Variants in GALNT12 observed in about 807,000 individuals in gnomAD.
GALNT12 encodes the protein polypeptide N-acetylgalactosaminyltransferase 12, also known as UDP-GalNAc:polypeptide N-acetylgalactosaminyltransferase 12.
Under a neutral mutation model 55.5 loss-of-function variants are expected in GALNT12, and 45 were observed. The ratio of observed to expected loss-of-function variants is 0.81; its 90% confidence interval spans 0.64 to 1.04. The LOEUF (loss-of-function observed/expected upper bound fraction) is 1.04. GALNT12 is among the 50% of genes least tolerant of loss of function. The probability of loss-of-function intolerance (pLI) is 0.00; values close to 1 mark genes in which losing one functional copy is unlikely to be tolerated. For missense variants in GALNT12, 709 were observed against 754.8 expected (o/e 0.94, Z 0.71); for synonymous variants, 304 against 312.2 (o/e 0.97, Z 0.28).
intron 2 of GALNT12, among the ~76,000 whole-genome samples, chr9:98,824,456 A>G (rs1835815829): frequency 6.6e-6 from 1 of 152,232 alleles, no homozygotes; most frequent in Middle Eastern, 3.4e-3. Context: ...CACACATCCC[A>G]TTGAGCAGAG....
chr9:98,850,036 C>T lies in GALNT12; in HGVS notation c.*944C>T, dbSNP rs1160358107. Reference sequence around the variant, plus strand: ...CAGACCAACCCTGAGATTTTGTCAACCTGATTAAGTCAATATGAATGATTA... The same window carrying T: ...CAGACCAACCCTGAGATTTTGTCAATCTGATTAAGTCAATATGAATGATTA... On this transcript the variant is annotated 3_prime_UTR_variant, in exon 10 of 10. Transcript: ENST00000375011. 3.6e-5 allele frequency: 7 copies of T among 194,198 alleles called. No individual in the cohort carries two copies. Among genetic ancestry groups the T allele is most frequent in the African/African-American group, 1.4e-4 (6 of 43,170 alleles). 12.0% of individuals were successfully genotyped at this position (194,198 alleles called of 1,614,324 possible).
chr9:98,841,975 G>A (rs1298827407), intron 7 of GALNT12, among the ~76,000 whole-genome samples: 3 of 152,050 alleles, frequency 2.0e-5, no homozygotes, highest in Non-Finnish European at 4.4e-5. Flanking sequence ...ACCATGCCCG[G>A]CCAAGGCATA....
At chr9:98,821,624 C>CAAAAAA (rs11467276) in intron 1 of GALNT12, among the ~76,000 whole-genome samples, 44 of 112,066 alleles carry the variant, frequency 3.9e-4, no homozygotes, top group African/African-American at 1.2e-3. Context: ...GACTCCATCT[C>CAAAAAA]AAAAAAAAAA....
At position 98,810,042 on chromosome 9, in the gene GALNT12, T is replaced by C. The variant is rs528118627; in HGVS notation, c.371+1973T>C. Among the ~76,000 whole-genome samples the C allele has an allele frequency of 2.6e-5, 4 of 152,308 alleles. No homozygotes were observed. In the South Asian group the frequency reaches 8.3e-4, roughly 32 times the overall value. ...GAGAGAAAGGTGAGCCTGAGCTGTG[T>C]GGGTCTCTGTTGGGCCAGGCTTTGA... is the stretch of plus-strand genomic sequence containing the variant. On this transcript the variant is annotated intron_variant, in intron 1 of 9. Transcript: ENST00000375011.
rs568551181 is a variant in GALNT12 at position 98,846,870 on chromosome 9, A to AAG, written c.1605+748_1605+749insGA. 3.9e-5 allele frequency among the ~76,000 whole-genome samples: 6 copies of AAG among 152,102 alleles called. No individual in the cohort carries two copies. In the South Asian group the frequency reaches 1.0e-3, roughly 26 times the overall value. ...AGACTCCGTCTCAAAAAAAAAAAAA[A>AAG]AAAAAGGTGCAATAATAGCAGACTT... On this transcript the variant is annotated intron_variant, in intron 9 of 9. Coordinates refer to ENST00000375011, the MANE Select transcript of GALNT12 (RefSeq NM_024642.5).
At chr9:98,822,773 C>A (rs1486793918) in intron 1 of GALNT12, among the ~76,000 whole-genome samples, 1 of 152,056 alleles carries the variant, frequency 6.6e-6, no homozygotes, top group African/African-American at 2.4e-5. Context: ...GCTGGAGGAG[C>A]ATTGAGGAGA....
At chr9:98,818,653 GTC>G (rs1324444107) in intron 1 of GALNT12, among the ~76,000 whole-genome samples, 1 of 152,124 alleles carries the variant, frequency 6.6e-6, no homozygotes, top group Non-Finnish European at 1.5e-5. Context: ...CAGTTCCTCA[GTC>G]TCTCATGGTC....
chr9:98,820,541 T>C (rs1166409932), intron 1 of GALNT12, among the ~76,000 whole-genome samples: 2 of 152,378 alleles, frequency 1.3e-5, no homozygotes, highest in Non-Finnish European at 2.9e-5. Flanking sequence ...CTATTGTGAA[T>C]AGTACAGCAA....
At chr9:98,818,389 A>C (rs990179952) in intron 1 of GALNT12, among the ~76,000 whole-genome samples, 1 of 151,882 alleles carries the variant, frequency 6.6e-6, no homozygotes, top group Non-Finnish European at 1.5e-5. Flanking sequence ...TGCCCGGCTA[A>C]TTTTTTTGTA....
intron 2 of GALNT12, among the ~76,000 whole-genome samples, 166 bp downstream of exon 2, chr9:98,823,591 G>A (rs895834398): frequency 1.3e-4 from 20 of 152,232 alleles, no homozygotes; most frequent in South Asian, 4.1e-4. Flanking sequence ...AACAGTAGGC[G>A]TGGGAAACTG....
intron 1 of GALNT12, among the ~76,000 whole-genome samples, chr9:98,815,930 A>G (rs1835600168): frequency 6.6e-6 from 1 of 152,176 alleles, no homozygotes; most frequent in South Asian, 2.1e-4. Context: ...ATTCTCCTTT[A>G]TCATTAAATA....
At chr9:98,821,449 G>A (rs1284513682) in intron 1 of GALNT12, among the ~76,000 whole-genome samples, 5 of 151,700 alleles carry the variant, frequency 3.3e-5, no homozygotes, top group Admixed American at 1.3e-4. Context: ...GTGAAACACC[G>A]TCTCTACTAA....
chr9:98,835,468 A>G, intron 5 of GALNT12, 102 bp downstream of exon 5: 1 of 804,620 alleles, frequency 1.2e-6, no homozygotes, highest in South Asian at 1.3e-5. Context: ...AAAGATGATG[A>G]CACGCATATC....
At chr9:98,823,232 C>T (rs1420771990) in intron 1 of GALNT12, 24 bp from the exon 2 acceptor site, 3 of 1,612,772 alleles carry the variant, frequency 1.9e-6, no homozygotes, top group South Asian at 2.2e-5. Flanking sequence ...ATCCTGAGTT[C>T]CTGAAGTTCC....
intron 7 of GALNT12, among the ~76,000 whole-genome samples, chr9:98,842,914 C>CT (rs140932077): frequency 0.011 from 1,712 of 152,076 alleles, 38 homozygotes; most frequent in African/African-American, 0.038. Context: ...ATTTTACATT[C>CT]TTTTTTCATA....
At chr9:98,840,280 A>G in intron 7 of GALNT12, 147 bp downstream of exon 7, 1 of 758,382 alleles carries the variant, frequency 1.3e-6, no homozygotes, top group Non-Finnish European at 2.0e-6. Context: ...CCACCTTTTT[A>G]TCCACTGCCC....
At chr9:98,834,121 C>T (rs1247961931) in intron 4 of GALNT12, among the ~76,000 whole-genome samples, 1 of 151,836 alleles carries the variant, frequency 6.6e-6, no homozygotes, top group African/African-American at 2.4e-5. Context: ...TGTTCTCTTT[C>T]CCTATTTTTT....
At chr9:98,819,578 C>T (rs1835691744) in intron 1 of GALNT12, among the ~76,000 whole-genome samples, 1 of 152,134 alleles carries the variant, frequency 6.6e-6, no homozygotes, top group South Asian at 2.1e-4. Flanking sequence ...GGAAATCATC[C>T]CAGTGACAGC....
chr9:98,838,995 C>T (rs1836221815), intron 6 of GALNT12, among the ~76,000 whole-genome samples: 1 of 152,208 alleles, frequency 6.6e-6, no homozygotes, highest in Non-Finnish European at 1.5e-5. Context: ...TGGACTCCCA[C>T]TCAGCCCCTC....
Sources: allele counts gnomAD v4.1 joint callset (sites outside exome capture counted in the v4.1 genomes callset), GRCh38; gene constraint gnomAD v4.1.1; transcripts MANE v1.5; gene names NCBI Gene and HGNC (gene_info 2026-07-23, HGNC 2026-07-21).